The following KIAA1328 variants were observed in gnomAD, a reference collection of about 807,000 sequenced individuals.
The protein encoded by KIAA1328 is KIAA1328, also known as protein hinderin.
In KIAA1328, 52 loss-of-function variants were observed where a neutral mutation model predicts 68.1. The ratio of observed to expected loss-of-function variants is 0.76; its 90% CI spans 0.61 to 0.96. The LOEUF (loss-of-function observed/expected upper bound fraction) is 0.96, where lower values mean the gene tolerates loss of function less well. KIAA1328 is among the 40% of genes least tolerant of loss of function. KIAA1328 has a pLI of 0.00. For synonymous variants in KIAA1328, 232 were observed against 239.4 expected, an observed-to-expected ratio of 0.97 and a Z score of 0.28; for missense variants, 641 against 677.6, an observed-to-expected ratio of 0.95 and a Z score of 0.60.
In KIAA1328 at chr18:37,017,345, A is replaced by G. The variant is rs181073038; in HGVS notation, c.577-49545A>G. On this transcript the variant is annotated intron_variant, in intron 6 of 9. Transcript: ENST00000280020. ...TGAAAGTATGGTTGATACGATTTCA[A>G]TTTTTTTAATTTATTGAGACTTGCT... Among the ~76,000 whole-genome samples, 552 of 152,128 alleles carry G rather than the reference A, an allele frequency of 3.6e-3. 2 individuals are homozygous for G. Among genetic ancestry groups the G allele is most frequent in the Non-Finnish European group, 6.0e-3 (407 of 67,960 alleles).
chr18:37,051,377 C>T (rs561690393), intron 6 of KIAA1328, among the ~76,000 whole-genome samples: 1 of 152,248 alleles, frequency 6.6e-6, no homozygotes, highest in South Asian at 2.1e-4. Flanking sequence ...GACGTTACAG[C>T]TGATACCACA....
chr18:37,111,138 T>A (rs1034910335), intron 7 of KIAA1328, among the ~76,000 whole-genome samples: 5 of 152,138 alleles, frequency 3.3e-5, no homozygotes, highest in Admixed American at 6.6e-5. Flanking sequence ...ATATATATTA[T>A]AAGATATATT....
chr18:37,093,576 G>A (rs1022914758), intron 7 of KIAA1328, among the ~76,000 whole-genome samples: 15 of 152,124 alleles, frequency 9.9e-5, no homozygotes, highest in African/African-American at 3.6e-4. Flanking sequence ...CTTGAAAACT[G>A]TCATTGGAAT....
At chr18:37,098,390 A>G (rs1339899629) in intron 7 of KIAA1328, among the ~76,000 whole-genome samples, 3 of 152,184 alleles carry the variant, frequency 2.0e-5, no homozygotes, top group Non-Finnish European at 4.4e-5. Context: ...TGATTTGTGT[A>G]TGTTGAACCA....
intron 9 of KIAA1328, among the ~76,000 whole-genome samples, chr18:37,180,058 CCACACACA>C (rs139301794): frequency 0.024 from 3,168 of 134,084 alleles, 70 homozygotes; most frequent in African/African-American, 0.057. Flanking sequence ...GATTCAAAAG[CCACACACA>C]CACACACACA....
chr18:37,148,560 G>T (rs1265653989), intron 7 of KIAA1328, among the ~76,000 whole-genome samples: 7 of 152,152 alleles, frequency 4.6e-5, no homozygotes, highest in African/African-American at 9.7e-5. Flanking sequence ...CTTCCACAAT[G>T]GTTGAACTAA....
At chr18:37,226,766 T>C (rs955586320), downstream of KIAA1328, among the ~76,000 whole-genome samples, 1 of 136,242 alleles carries the variant, frequency 7.3e-6, no homozygotes, top group African/African-American at 3.1e-5. Flanking sequence ...TGAAGATCCA[T>C]GCAAAACATT....
At chr18:37,057,932 G>A (rs1011659717) in intron 6 of KIAA1328, among the ~76,000 whole-genome samples, 2 of 152,154 alleles carry the variant, frequency 1.3e-5, no homozygotes, top group East Asian at 1.9e-4. Flanking sequence ...CGACCTTGTC[G>A]TAGTTGCACT....
chr18:36,965,943 G>A (rs977425418), intron 6 of KIAA1328, among the ~76,000 whole-genome samples: 3 of 150,648 alleles, frequency 2.0e-5, no homozygotes. Flanking sequence ...AACTAAAGAA[G>A]GTGTGAGGCA....
intron 6 of KIAA1328, among the ~76,000 whole-genome samples, chr18:37,012,391 G>A (rs2151493741): frequency 6.6e-6 from 1 of 152,272 alleles, no homozygotes; most frequent in Non-Finnish European, 1.5e-5. Context: ...TATTCCCTGG[G>A]ATGTCATTGC....
intron 8 of KIAA1328, among the ~76,000 whole-genome samples, chr18:37,167,269 G>A (rs754137606): frequency 2.6e-5 from 4 of 152,152 alleles, no homozygotes; most frequent in East Asian, 1.9e-4. Flanking sequence ...TAGTTTTGCC[G>A]TCTATAGGTG....
chr18:36,961,168 T>C (rs903838921), intron 6 of KIAA1328, among the ~76,000 whole-genome samples: 3 of 152,178 alleles, frequency 2.0e-5, no homozygotes, highest in Admixed American at 6.5e-5. Flanking sequence ...TTGTGATGTG[T>C]GCACAAGCTT....
downstream of KIAA1328, chr18:37,229,589 A>C (rs1245030407): frequency 1.6e-6 from 2 of 1,277,168 alleles, no homozygotes; most frequent in Non-Finnish European, 2.0e-6. Context: ...AGAAGTATCA[A>C]GTCCATCCAG....
chr18:37,089,417 C>T (rs574615208), intron 7 of KIAA1328, among the ~76,000 whole-genome samples: 48 of 141,950 alleles, frequency 3.4e-4, no homozygotes, highest in African/African-American at 1.3e-3. Flanking sequence ...TTCTGTCACC[C>T]GGGCTGGAGT....
intron 7 of KIAA1328, among the ~76,000 whole-genome samples, chr18:37,131,958 T>C (rs1387584812): frequency 6.6e-6 from 1 of 152,220 alleles, no homozygotes; most frequent in Non-Finnish European, 1.5e-5. Context: ...AGCTGGCTGC[T>C]CTATTATGTG....
intron 7 of KIAA1328, chr18:37,084,570 A>G (rs1383727576): frequency 6.7e-6 from 1 of 149,826 alleles, no homozygotes; most frequent in African/African-American, 3.2e-5. Flanking sequence ...TCACTGTATC[A>G]TATTTTCTGA....
At chr18:37,148,742 G>A (rs1384534735) in intron 7 of KIAA1328, among the ~76,000 whole-genome samples, 2 of 152,164 alleles carry the variant, frequency 1.3e-5, no homozygotes, top group Non-Finnish European at 1.5e-5. Context: ...TTGTTTTCAT[G>A]TTTGTTGGCT....
At chr18:37,178,183 A>G (rs539515057) in intron 9 of KIAA1328, among the ~76,000 whole-genome samples, 16 of 152,154 alleles carry the variant, frequency 1.1e-4, no homozygotes, top group South Asian at 4.2e-4. Context: ...TTTGTACCCA[A>G]TGACCCCTCT....
Position 37,067,001 on chromosome 18 carries a change from G to A in KIAA1328, c.688G>A (p.Ala230Thr), listed in dbSNP as rs2056361865. The change falls in exon 7 of 10, where the codon GCA (alanine) becomes ACA (threonine). Residue 230 changes from alanine to threonine, a missense_variant. Transcript: ENST00000280020. ...YYQTKQRPKS[A>T]VQDSASESLI... is the part of the protein sequence containing the mutation. ...TCAAACCAAGCAAAGACCTAAGTCT[G>A]CAGTCCAGGATTCAGCTTCAGAATC... 4.3e-6 allele frequency: 7 copies of A among 1,613,836 alleles called. No homozygotes were observed. The highest frequency in any genetic ancestry group is 1.3e-5 in the African/African-American group (1 of 75,044).
Sources: allele counts gnomAD v4.1 joint callset (sites outside exome capture counted in the v4.1 genomes callset), GRCh38; gene constraint gnomAD v4.1.1; transcripts MANE v1.5; gene names NCBI Gene and HGNC (gene_info 2026-07-23, HGNC 2026-07-21).